The following CENPE variants were observed in gnomAD, a reference collection of about 807,000 sequenced individuals.
CENPE encodes centromere protein E, also known as centromere-associated protein E.
Under a neutral mutation model 336.1 loss-of-function variants are expected in CENPE, and 145 were observed. The observed-to-expected ratio is 0.43, with a 90% CI of 0.38 to 0.50. The LOEUF (loss-of-function observed/expected upper bound fraction) is 0.50, where lower values mean the gene tolerates loss of function less well. Ranked by LOEUF, CENPE falls within the 20% of genes least tolerant of loss-of-function variation. CENPE has a pLI of 0.00. For missense variants in CENPE, 2,719 were observed against 3,023.3 expected, an observed-to-expected ratio of 0.90 and a Z score of 2.36; for synonymous variants, 1,013 against 984.8, an observed-to-expected ratio of 1.03 and a Z score of -0.54.
At chr4:103,197,026 G>A (rs1051738222) in intron 1 of CENPE, among the ~76,000 whole-genome samples, 176 bp from the exon 2 acceptor site, 3 of 152,134 alleles carry the variant, frequency 2.0e-5, no homozygotes, top group Middle Eastern at 6.3e-3. Context: ...ACCTTCTGCC[G>A]CCTCAAAAGT....
intron 9 of CENPE, among the ~76,000 whole-genome samples, chr4:103,185,287 AGAGT>A (rs1756666598): frequency 6.6e-6 from 1 of 150,910 alleles, no homozygotes; most frequent in Admixed American, 6.6e-5. Context: ...CCTGGGAGAC[AGAGT>A]GAGAGTCTGC....
chr4:103,169,883 C>A (rs1755247615), intron 16 of CENPE, among the ~76,000 whole-genome samples: 1 of 152,164 alleles, frequency 6.6e-6, no homozygotes, highest in African/African-American at 2.4e-5. Context: ...GGAACCAACC[C>A]AAATGCCCCT....
At position 103,140,814 on chromosome 4, in the gene CENPE, T is replaced by C; in HGVS notation, c.5754A>G (p.Arg1918=). ...LKESLQETKA[R]DLEIQQELKT... is the part of the protein sequence containing the mutation. ...AGGGTAAAGAGAGAACACAACTCAC[T>C]CTAGCTTTGGTTTCTTGCAGGCTTT... Residue 1918 remains arginine, a splice_region_variant and synonymous_variant, in exon 36 of 49, where the codon AGA becomes AGG. Transcript: ENST00000265148. 6.3e-7 allele frequency: 1 copy of C among 1,579,812 alleles called. No individual in the cohort carries two copies. Among genetic ancestry groups the C allele is most frequent in the African/African-American group, 1.4e-5 (1 of 72,974 alleles).
intron 42 of CENPE, among the ~76,000 whole-genome samples, chr4:103,125,288 G>C (rs534036406): frequency 6.6e-6 from 1 of 152,090 alleles, no homozygotes; most frequent in African/African-American, 2.4e-5. Context: ...TATTAATCTA[G>C]CTACCATTGC....
chr4:103,137,057 C>T (rs1240142969), intron 39 of CENPE, among the ~76,000 whole-genome samples: 1 of 152,042 alleles, frequency 6.6e-6, no homozygotes, highest in Non-Finnish European at 1.5e-5. Context: ...TTGAAGGAGA[C>T]AAAATTATGT....
intron 38 of CENPE, 71 bp downstream of exon 38, chr4:103,139,713 AAAAAC>A: frequency 7.6e-7 from 1 of 1,323,446 alleles, no homozygotes; most frequent in East Asian, 2.3e-5. Context: ...AGAAAGAAAT[AAAAAC>A]ATTGTAATTC....
intron 39 of CENPE, among the ~76,000 whole-genome samples, chr4:103,136,603 C>G (rs1051068038): frequency 1.3e-5 from 2 of 152,090 alleles, no homozygotes; most frequent in Non-Finnish European, 2.9e-5. Context: ...CAGGACCAAC[C>G]ATTCTTAACA....
chr4:103,140,792 G>A lies in CENPE; in HGVS notation c.5754+22C>T, dbSNP rs373945715. 35 of 1,554,246 alleles carry A rather than the reference G, an allele frequency of 2.3e-5. No individual in the cohort carries two copies. In the African/African-American group the frequency reaches 4.7e-4, roughly 21 times the overall value. Reference sequence around the variant, plus strand: ...CCAAATATGTGAATATAATGGTAGGGTAAAGAGAGAACACAACTCACTCTA... The same window carrying A: ...CCAAATATGTGAATATAATGGTAGGATAAAGAGAGAACACAACTCACTCTA... On this transcript the variant is annotated intron_variant, in intron 36 of 48. Coordinates refer to ENST00000265148, the MANE Select transcript of CENPE (RefSeq NM_001813.3).
chr4:103,113,193 T>C (rs1222240560), intron 46 of CENPE, among the ~76,000 whole-genome samples: 1 of 136,872 alleles, frequency 7.3e-6, no homozygotes, highest in Non-Finnish European at 1.5e-5. Context: ...TATATACTTA[T>C]AAGTATATAA....
At chr4:103,179,380 C>T (rs1425984149) in intron 13 of CENPE, among the ~76,000 whole-genome samples, 1 of 152,184 alleles carries the variant, frequency 6.6e-6, no homozygotes, top group African/African-American at 2.4e-5. Flanking sequence ...AACGCCCCTG[C>T]TACTAGAACA....
At chr4:103,174,621 T>C (rs1041565045) in intron 16 of CENPE, 115 bp downstream of exon 16, 1 of 695,744 alleles carries the variant, frequency 1.4e-6, no homozygotes, top group Non-Finnish European at 2.2e-6. Flanking sequence ...AATAAACACA[T>C]AAAATGTTAT....
chr4:103,165,828 A>G (rs550882294), intron 16 of CENPE, among the ~76,000 whole-genome samples: 28 of 152,008 alleles, frequency 1.8e-4, no homozygotes, highest in African/African-American at 6.7e-4. Context: ...CTATAAAGAA[A>G]AAGTTTTTTA....
At chr4:103,151,483 AAAACTAT>A in intron 25 of CENPE, 106 bp from the exon 26 acceptor site, 1 of 825,948 alleles carries the variant, frequency 1.2e-6, no homozygotes, top group South Asian at 2.4e-5. Context: ...GAAATCAGGG[AAAACTAT>A]ATAGGAAAAG....
At chr4:103,115,155 C>G (rs916041346) in intron 45 of CENPE, among the ~76,000 whole-genome samples, 1 of 148,410 alleles carries the variant, frequency 6.7e-6, no homozygotes, top group African/African-American at 2.5e-5. Context: ...TTTTTTGAGA[C>G]GAAGTCTTGG....
intron 16 of CENPE, among the ~76,000 whole-genome samples, chr4:103,173,655 A>AT (rs1755613920): frequency 1.8e-5 from 2 of 111,384 alleles, no homozygotes; most frequent in Admixed American, 1.7e-4. Flanking sequence ...GTTAATATCC[A>AT]AAATATATAA....
chr4:103,175,976 G>A lies in CENPE; in HGVS notation c.1463C>T (p.Thr488Ile), dbSNP rs149119830. Reference sequence around the variant, plus strand: ...TTAAGTTACCTGATTTAGTAGCTTTGTTGCTGGATTCCATTCTATCTCACT... The same window carrying A: ...TTAAGTTACCTGATTTAGTAGCTTTATTGCTGGATTCCATTCTATCTCACT... ...TLSEIEWNPA[T>I]KLLNQENIES... The change falls in exon 15 of 49, where the codon ACA becomes ATA. Residue 488 changes from threonine to isoleucine, a missense_variant. Around this residue, in one of 5 missense-constraint regions of CENPE, gnomAD observed 2,437 missense variants for 2,513.3 expected, o/e 0.97. Coordinates refer to ENST00000265148, the MANE Select transcript of CENPE (RefSeq NM_001813.3). 2 of 1,597,416 alleles carry A rather than the reference G, an allele frequency of 1.3e-6. No homozygotes were observed. Among genetic ancestry groups the A allele is most frequent in the African/African-American group, 1.3e-5 (1 of 74,488 alleles).
rs1578619126 is a variant in CENPE, at chr4:103,152,959, A to G, written c.3237+88T>C. 5 of 917,240 alleles carry G rather than the reference A, an allele frequency of 5.5e-6. No homozygotes were observed. The South Asian group carries it at 7.0e-5, about 13-fold the overall frequency. 56.8% of individuals were successfully genotyped at this position (917,240 alleles called of 1,614,324 possible). The stretch of plus-strand genomic sequence containing the variant: ...CACTTCCACCAGATACATTTATTGT[A>G]TATAAATTATACCTCAATAAAGTTG... On this transcript the variant is annotated intron_variant, in intron 25 of 48. Transcript: ENST00000265148.
chr4:103,156,711 G>C (rs184314628), intron 24 of CENPE, among the ~76,000 whole-genome samples: 39 of 152,058 alleles, frequency 2.6e-4, no homozygotes, highest in Non-Finnish European at 4.4e-4. Flanking sequence ...CAGGCAACAA[G>C]AGTAAAAATA....
intron 29 of CENPE, among the ~76,000 whole-genome samples, chr4:103,146,388 A>G (rs1416528142): frequency 6.6e-6 from 1 of 152,232 alleles, no homozygotes; most frequent in Non-Finnish European, 1.5e-5. Flanking sequence ...ACAAAGATAG[A>G]TATGATGTTG....
Sources: gnomAD v4.1 joint callset for allele counts (sites outside exome capture counted in the v4.1 genomes callset) on GRCh38, gnomAD v4.1.1 for gene constraint, gnomAD v4.1.1 regional missense constraint, MANE v1.5 for transcripts, NCBI Gene and HGNC (gene_info 2026-07-23, HGNC 2026-07-21) for gene names.